The following WARS2 variants were observed in gnomAD, a reference collection of about 807,000 sequenced individuals.
WARS2 encodes the protein tryptophanyl tRNA synthetase 2, mitochondrial, also known as tryptophan--tRNA ligase, mitochondrial.
WARS2 carries 28 observed loss-of-function variants against 36.5 expected under a neutral mutation model. The ratio of observed to expected loss-of-function variants is 0.77; its 90% confidence interval spans 0.57 to 1.05. The LOEUF (loss-of-function observed/expected upper bound fraction) is 1.05. Among genes scored for constraint, WARS2 ranks in the 50% least tolerant of loss-of-function variants. The pLI, the probability that WARS2 is intolerant of heterozygous loss-of-function variation, is 0.00. For synonymous variants in WARS2, 174 were observed against 178.4 expected (o/e 0.98, Z 0.20); for missense variants, 435 against 456.8 (o/e 0.95, Z 0.44).
intron 1 of WARS2, among the ~76,000 whole-genome samples, chr1:119,103,133 C>T (rs746638407): frequency 1.2e-4 from 18 of 152,182 alleles, no homozygotes; most frequent in Non-Finnish European, 1.8e-4. Context: ...AATTGCTCAT[C>T]GAATTGACCA....
At chr1:119,138,437 C>T (rs184084553) in intron 1 of WARS2, among the ~76,000 whole-genome samples, 4 of 152,142 alleles carry the variant, frequency 2.6e-5, no homozygotes, top group South Asian at 2.1e-4. Flanking sequence ...GATTTCAAAA[C>T]GTTTTTCTGG....
At chr1:119,035,305 G>GT (rs954801430) in intron 4 of WARS2, among the ~76,000 whole-genome samples, 1 of 152,044 alleles carries the variant, frequency 6.6e-6, no homozygotes, top group African/African-American at 2.4e-5. Flanking sequence ...GTGCGCTGAG[G>GT]TTTTTTTAAT....
intron 2 of WARS2, among the ~76,000 whole-genome samples, chr1:119,065,268 G>A (rs574394753): frequency 7.2e-5 from 11 of 152,226 alleles, no homozygotes; most frequent in African/African-American, 9.6e-5. Context: ...CTGCTTAAAT[G>A]TTTATATTAG....
intron 1 of WARS2, among the ~76,000 whole-genome samples, chr1:119,098,378 T>A (rs1653602374): frequency 6.6e-6 from 1 of 152,226 alleles, no homozygotes; most frequent in Non-Finnish European, 1.5e-5. Context: ...GTGCAAGTAA[T>A]CTCACTTTAA....
chr1:119,124,004 TA>T (rs1019006201), intron 1 of WARS2, among the ~76,000 whole-genome samples: 27 of 152,316 alleles, frequency 1.8e-4, no homozygotes, highest in African/African-American at 6.5e-4. Context: ...TCAATTTGCC[TA>T]AAACTTAACT....
intron 1 of WARS2, among the ~76,000 whole-genome samples, chr1:119,093,474 A>ATACTAGATTATAGTGGACTC (rs11273417): frequency 6.8e-6 from 1 of 146,722 alleles, no homozygotes; most frequent in Admixed American, 7.0e-5. Context: ...AGATGAAGTC[A>ATACTAGATTATAGTGGACTC]TAAATACAAT....
chr1:119,105,820 G>T (rs1486079241), intron 1 of WARS2, among the ~76,000 whole-genome samples: 1 of 152,134 alleles, frequency 6.6e-6, no homozygotes, highest in Non-Finnish European at 1.5e-5. Context: ...CTGAGGCAGA[G>T]AATCGCTTGA....
At position 119,133,260 on chromosome 1, in the gene WARS2, G is replaced by A. The variant is rs771935897; in HGVS notation, c.90+7295C>T. Among the ~76,000 whole-genome samples the A allele has an allele frequency of 5.9e-5, 9 of 152,186 alleles. No individual in the cohort carries two copies. In the South Asian group the frequency reaches 6.2e-4, roughly 11 times the overall value. On this transcript the variant is annotated intron_variant, in intron 1 of 5. Coordinates refer to ENST00000235521, the MANE Select transcript of WARS2 (RefSeq NM_015836.4). The stretch of plus-strand genomic sequence containing the variant: ...GCTTCTTCCTCATAATTCATTGAGC[G>A]AAACAAGACTGTAAGAATAGCAACA...
intron 2 of WARS2, among the ~76,000 whole-genome samples, chr1:119,068,824 T>C (rs188945930): frequency 9.9e-6 from 1 of 100,710 alleles, no homozygotes; most frequent in South Asian, 2.8e-4. Flanking sequence ...CTCTCTCTCT[T>C]ACTCTCTCTC....
intron 2 of WARS2, among the ~76,000 whole-genome samples, chr1:119,056,865 T>G (rs1035480714): frequency 8.5e-5 from 13 of 152,142 alleles, no homozygotes; most frequent in African/African-American, 3.1e-4. Context: ...TTTTTGTAGA[T>G]TATTGGTAAA....
chr1:119,065,610 G>A (rs959408091), intron 2 of WARS2, among the ~76,000 whole-genome samples: 9 of 148,038 alleles, frequency 6.1e-5, no homozygotes, highest in African/African-American at 2.3e-4. Context: ...ACTCCAGCCT[G>A]GGTGACAGAG....
At chr1:119,043,693 T>C (rs183530411) in intron 3 of WARS2, among the ~76,000 whole-genome samples, 16 of 152,318 alleles carry the variant, frequency 1.1e-4, no homozygotes, top group African/African-American at 1.2e-4. Flanking sequence ...AACGTGCAAA[T>C]TGAAGAAGAA....
rs114821658 is a variant in WARS2, at chr1:119,106,647, C to A, written c.91-30040G>T. Among the ~76,000 whole-genome samples, 386 of 152,252 alleles carry A rather than the reference C, an allele frequency of 2.5e-3. 2 individuals are homozygous for A. The highest frequency in any genetic ancestry group is 8.9e-3 in the African/African-American group (370 of 41,542). Reference sequence around the variant, plus strand: ...CATATCTTTTCATAGCTTGATAGTTCATTTCTCTTAAGTGCTGAAGAGTGT... The same window carrying A: ...CATATCTTTTCATAGCTTGATAGTTAATTTCTCTTAAGTGCTGAAGAGTGT... On this transcript the variant is annotated intron_variant, in intron 1 of 5. Coordinates refer to ENST00000235521, the MANE Select transcript of WARS2 (RefSeq NM_015836.4).
chr1:119,132,522 C>T (rs1656189166), intron 1 of WARS2, among the ~76,000 whole-genome samples: 1 of 152,190 alleles, frequency 6.6e-6, no homozygotes, highest in African/African-American at 2.4e-5. Flanking sequence ...GAACTGGCTG[C>T]TCAGACCATT....
intron 4 of WARS2, among the ~76,000 whole-genome samples, 159 bp from the exon 5 acceptor site, chr1:119,034,372 TG>T (rs747432808): frequency 6.6e-6 from 1 of 152,200 alleles, no homozygotes; most frequent in Non-Finnish European, 1.5e-5. Context: ...TCTTTATCTA[TG>T]GATCAGACAA....
At chr1:119,119,023 C>G (rs938199118) in intron 1 of WARS2, among the ~76,000 whole-genome samples, 1 of 151,958 alleles carries the variant, frequency 6.6e-6, no homozygotes, top group Admixed American at 6.6e-5. Flanking sequence ...TTTTAAAAAC[C>G]CAAGGTATTC....
chr1:119,072,115 A>G (rs895189044), intron 2 of WARS2, among the ~76,000 whole-genome samples: 2 of 152,200 alleles, frequency 1.3e-5, no homozygotes, highest in Non-Finnish European at 2.9e-5. Flanking sequence ...AGACTAGTTT[A>G]TTCACTTATA....
At chr1:119,049,342 T>A (rs1364617940) in intron 2 of WARS2, among the ~76,000 whole-genome samples, 1 of 152,142 alleles carries the variant, frequency 6.6e-6, no homozygotes, top group Non-Finnish European at 1.5e-5. Flanking sequence ...TTCAATAGTT[T>A]CTCTTTTCAG....
intron 1 of WARS2, among the ~76,000 whole-genome samples, chr1:119,107,669 GAA>G (rs1654336231): frequency 1.9e-4 from 14 of 72,344 alleles, no homozygotes; most frequent in African/African-American, 7.1e-4. Flanking sequence ...AATAGAAAAA[GAA>G]AGAGAGAGAG....
Sources: allele counts gnomAD v4.1 joint callset (sites outside exome capture counted in the v4.1 genomes callset), GRCh38; gene constraint gnomAD v4.1.1; transcripts MANE v1.5; gene names NCBI Gene and HGNC (gene_info 2026-07-23, HGNC 2026-07-21).